FBRSL1: variants seen among roughly 807,000 people sequenced by gnomAD.
The protein encoded by FBRSL1 is fibrosin-1-like protein.
Under a neutral mutation model 89.6 loss-of-function variants are expected in FBRSL1, and 51 were observed. That is an observed-to-expected ratio of 0.57 (90% CI 0.45 to 0.72). FBRSL1 has a LOEUF of 0.72. FBRSL1 is among the 30% of genes least tolerant of loss of function. The pLI, the probability that FBRSL1 is intolerant of heterozygous loss-of-function variation, is 0.00. For missense variants in FBRSL1, 1,618 were observed against 1,451.8 expected, an observed-to-expected ratio of 1.11 and a Z score of -1.86; for synonymous variants, 779 against 681.1, an observed-to-expected ratio of 1.14 and a Z score of -2.24.
chr12:132,574,088 A>C lies in FBRSL1; in HGVS notation c.1531-2A>C. ...ACACAAGCTGTCTCTTTCTCCCCTCAGACTTCAAGCCCCATTGAGGTGGCC... is the reference window on the plus strand; with the variant it reads ...ACACAAGCTGTCTCTTTCTCCCCTCCGACTTCAAGCCCCATTGAGGTGGCC... On this transcript the variant is annotated splice_acceptor_variant, in intron 11 of 18. Transcript: ENST00000680143. LOFTEE classifies it high-confidence loss of function. 7.7e-7 allele frequency: 1 copy of C among 1,299,590 alleles called. No individual in the cohort carries two copies. The allele number at this position is 1,299,590 out of a possible 1,614,324, so 80.5% of individuals were successfully genotyped here. A position where few individuals can be genotyped will look rare whatever the true frequency, so the allele number is the denominator to read the frequency against.
At chr12:132,520,354 C>T (rs1309826500) in intron 2 of FBRSL1, among the ~76,000 whole-genome samples, 1 of 152,164 alleles carries the variant, frequency 6.6e-6, no homozygotes, top group Non-Finnish European at 1.5e-5. Context: ...TCTCCCATCT[C>T]TTTCTTTGCA....
intron 4 of FBRSL1, among the ~76,000 whole-genome samples, chr12:132,533,371 G>A (rs574462092): frequency 2.7e-4 from 35 of 129,362 alleles, no homozygotes; most frequent in African/African-American, 4.1e-4. Context: ...GTCTCCTCCC[G>A]ACCCAGCCTC....
intron 4 of FBRSL1, among the ~76,000 whole-genome samples, chr12:132,528,547 A>G (rs567220682): frequency 6.7e-6 from 1 of 148,524 alleles, no homozygotes; most frequent in Non-Finnish European, 1.5e-5. Context: ...TGCAGCCTTC[A>G]TGACGGGTGT....
At chr12:132,500,135 T>A (rs552740855) in intron 1 of FBRSL1, among the ~76,000 whole-genome samples, 1 of 152,146 alleles carries the variant, frequency 6.6e-6, no homozygotes, top group Non-Finnish European at 1.5e-5. Flanking sequence ...GCGGGAGCCA[T>A]CAAGCGTCTG....
intron 1 of FBRSL1, chr12:132,507,518 TCGAGATGGGA>T: frequency 1.3e-6 from 1 of 784,194 alleles, no homozygotes; most frequent in Non-Finnish European, 1.5e-6. Context: ...TCTGAAGGAG[TCGAGATGGGA>T]CGAGAGGGGA....
At position 132,572,552 on chromosome 12, in the gene FBRSL1, T is replaced by A; in HGVS notation, c.1460T>A (p.Ile487Asn). 6.4e-7 allele frequency: 1 copy of A among 1,551,330 alleles called. No individual in the cohort carries two copies. Among genetic ancestry groups the A allele is most frequent in the Non-Finnish European group, 8.7e-7 (1 of 1,146,860 alleles). Residue 487 changes from isoleucine (I) to asparagine (N), a missense_variant, in exon 11 of 19, where the codon ATC becomes AAC. Ile to Asn is a moderately radical substitution (Grantham distance 149). Coordinates refer to ENST00000680143, the MANE Select transcript of FBRSL1 (RefSeq NM_001367871.1). ...VSFFPSFPPA[I>N]PGLPTLLPHP... is the part of the protein sequence containing the mutation. The stretch of plus-strand genomic sequence containing the variant: ...TTCTTCCCGTCCTTCCCTCCTGCCA[T>A]CCCGGGACTGCCCACCCTGCTCCCA...
intron 6 of FBRSL1, among the ~76,000 whole-genome samples, chr12:132,569,426 C>T (rs1266144337): frequency 6.6e-6 from 1 of 152,086 alleles, no homozygotes; most frequent in Non-Finnish European, 1.5e-5. Flanking sequence ...AAGGTGGTTA[C>T]AGCTGTGGGC....
At position 132,582,107 on chromosome 12, in the gene FBRSL1, A is replaced by G; in HGVS notation, c.2042A>G (p.His681Arg). 2.6e-6 allele frequency: 4 copies of G among 1,549,496 alleles called. No homozygotes were observed. The highest frequency in any genetic ancestry group is 3.5e-6 in the Non-Finnish European group (4 of 1,146,602). ...GCCCCCAAGGAGGGCTCCTCCGTGC[A>G]CGGCCTGCCCAGCCCCCATGAGGCC... ...IFAPKEGSSVHGLPSPHEAWN... is the reference protein window; with the variant it reads ...IFAPKEGSSVRGLPSPHEAWN... Residue 681 changes from histidine (H) to arginine (R), a missense_variant, in exon 18 of 19, where the codon CAC becomes CGC. Physicochemically the swap from His to Arg is conservative, Grantham distance 29. Transcript: ENST00000680143.
chr12:132,495,831 C>T (rs971035302), intron 1 of FBRSL1, among the ~76,000 whole-genome samples: 1 of 152,252 alleles, frequency 6.6e-6, no homozygotes, highest in South Asian at 2.1e-4. Context: ...GCCAGCAGCT[C>T]CTCAGGCCCT....
At chr12:132,563,755 TGCACCCC>T (rs2039345700) in intron 5 of FBRSL1, among the ~76,000 whole-genome samples, 1 of 83,094 alleles carries the variant, frequency 1.2e-5, no homozygotes, top group African/African-American at 5.7e-5. Flanking sequence ...GTGCACCCCC[TGCACCCC>T]TCCGGCTGAC....
intron 2 of FBRSL1, among the ~76,000 whole-genome samples, chr12:132,517,012 G>T (rs558212701): frequency 3.9e-5 from 6 of 152,172 alleles, no homozygotes; most frequent in Admixed American, 1.3e-4. Flanking sequence ...AATTTCTCCC[G>T]CCTCCTGGGC....
At chr12:132,530,994 T>TG (rs55841528) in intron 4 of FBRSL1, among the ~76,000 whole-genome samples, 27,646 of 86,000 alleles carry the variant, frequency 0.32, 4,292 homozygotes, top group Non-Finnish European at 0.38. Flanking sequence ...GTGTCCAGTG[T>TG]GGGGGGGGGG....
intron 5 of FBRSL1, among the ~76,000 whole-genome samples, chr12:132,562,719 G>A (rs1188861245): frequency 6.6e-6 from 1 of 152,136 alleles, no homozygotes; most frequent in African/African-American, 2.4e-5. Flanking sequence ...CCTTCCTCCA[G>A]TGCAGGGGCC....
chr12:132,571,526 T>TGC, intron 9 of FBRSL1: 1 of 1,517,596 alleles, frequency 6.6e-7, no homozygotes. Context: ...CCCCCGCCGG[T>TGC]GCGTAGGCCC....
Position 132,583,012 on chromosome 12 carries a change from C to A in FBRSL1, c.2243C>A (p.Pro748His). The stretch of plus-strand genomic sequence containing the variant: ...ACGCGCCTGCTGAGCCGGGCCTCGC[C>A]CGCCACCCCCGCTGGCCACCCCGTC... ...EKTRLLSRAS[P>H]ATPAGHPVSG... Residue 748 changes from proline (P) to histidine (H), a missense_variant, in exon 19 of 19, where the codon CCC becomes CAC. Physicochemically the swap from Pro to His is moderately conservative, Grantham distance 77. Transcript: ENST00000680143. The A allele has an allele frequency of 6.9e-7, 1 of 1,456,320 alleles. No homozygotes were observed. Among genetic ancestry groups the A allele is most frequent in the Non-Finnish European group, 9.0e-7 (1 of 1,111,768 alleles). 90.2% of individuals were successfully genotyped at this position (1,456,320 alleles called of 1,614,324 possible). A position where few individuals can be genotyped will look rare whatever the true frequency, so the allele number is the denominator to read the frequency against.
At chr12:132,556,306 C>T (rs2038632355) in intron 5 of FBRSL1, among the ~76,000 whole-genome samples, 1 of 152,186 alleles carries the variant, frequency 6.6e-6, no homozygotes, top group Non-Finnish European at 1.5e-5. Flanking sequence ...AGAGTGCACA[C>T]CTCTGCGACA....
intron 4 of FBRSL1, among the ~76,000 whole-genome samples, chr12:132,529,254 G>A (rs1474019260): frequency 6.6e-6 from 1 of 152,196 alleles, no homozygotes; most frequent in African/African-American, 2.4e-5. Context: ...GTGTGGCCAG[G>A]CCAGAGGGGA....
At chr12:132,545,403 A>G (rs551024812) in intron 4 of FBRSL1, among the ~76,000 whole-genome samples, 1 of 152,364 alleles carries the variant, frequency 6.6e-6, no homozygotes, top group African/African-American at 2.4e-5. Flanking sequence ...TTAATTCAGT[A>G]GGACTTAATA....
chr12:132,543,515 C>T (rs901832797), intron 4 of FBRSL1, among the ~76,000 whole-genome samples: 12 of 152,202 alleles, frequency 7.9e-5, no homozygotes, highest in Non-Finnish European at 2.9e-5. Flanking sequence ...ATGCAGTTTC[C>T]TGTTCTCAGC....
Sources: allele counts gnomAD v4.1 joint callset (sites outside exome capture counted in the v4.1 genomes callset), GRCh38; gene constraint gnomAD v4.1.1; transcripts MANE v1.5; gene names NCBI Gene and HGNC (gene_info 2026-07-23, HGNC 2026-07-21).